Variants in DACH1 observed in about 807,000 individuals in gnomAD.
The protein encoded by DACH1 is dachshund family transcription factor 1.
Under a neutral mutation model 54.2 loss-of-function variants are expected in DACH1, and 12 were observed. The observed-to-expected ratio is 0.22, with a 90% CI of 0.14 to 0.36. The LOEUF is 0.36. Ranked by LOEUF, DACH1 falls within the 10% of genes least tolerant of loss-of-function variation. The probability of loss-of-function intolerance (pLI) is 1.00; values close to 1 mark genes in which losing one functional copy is unlikely to be tolerated. For missense variants in DACH1, 805 were observed against 929.8 expected (o/e 0.87, Z 1.75); for synonymous variants, 386 against 366.2 (o/e 1.05, Z -0.62).
intron 1 of DACH1, among the ~76,000 whole-genome samples, chr13:71,769,682 C>T (rs1280759314): frequency 2.6e-5 from 4 of 151,672 alleles, no homozygotes; most frequent in Non-Finnish European, 5.9e-5. Flanking sequence ...ACTCCTTATT[C>T]TGTACTGAGA....
intron 3 of DACH1, among the ~76,000 whole-genome samples, 196 bp from the exon 4 acceptor site, chr13:71,573,208 C>T (rs906535883): frequency 1.3e-5 from 2 of 152,132 alleles, no homozygotes; most frequent in African/African-American, 2.4e-5. Context: ...CATTTCCTAA[C>T]TTATCCTGTG....
intron 3 of DACH1, among the ~76,000 whole-genome samples, chr13:71,617,436 A>T (rs560425348): frequency 6.6e-6 from 1 of 152,300 alleles, no homozygotes; most frequent in East Asian, 1.9e-4. Flanking sequence ...TGAGTTTATG[A>T]TACAGAAATT....
At position 71,709,142 on chromosome 13, in the gene DACH1, C is replaced by G. The variant is rs539103437; in HGVS notation, c.849-27232G>C. ...TGCTGGGATTACAGGCGTGAGCCACCGTGCCTGGCCGTATTTTTTAAATGA... is the reference window on the plus strand; with the variant it reads ...TGCTGGGATTACAGGCGTGAGCCACGGTGCCTGGCCGTATTTTTTAAATGA... On this transcript the variant is annotated intron_variant, in intron 1 of 10. Coordinates refer to ENST00000613252, the MANE Select transcript of DACH1 (RefSeq NM_080759.6). Among the ~76,000 whole-genome samples, 38 of 152,146 alleles carry G rather than the reference C, an allele frequency of 2.5e-4. 1 individual carries two copies. The South Asian group carries it at 7.7e-3, about 31-fold the overall frequency.
intron 3 of DACH1, among the ~76,000 whole-genome samples, chr13:71,589,374 T>A (rs1018886139): frequency 6.6e-6 from 1 of 151,988 alleles, no homozygotes. Context: ...AAATATTAAT[T>A]GAAAAATAGT....
Position 71,520,208 on chromosome 13 carries a change from T to G in DACH1, c.1571-31060A>C, listed in dbSNP as rs570582911. ...TTGTATCCCATTATTGATCTAGATT[T>G]CCTCATCATTAAAACAGAGATAAAA... is the stretch of plus-strand genomic sequence containing the variant. On this transcript the variant is annotated intron_variant, in intron 6 of 10. Coordinates refer to ENST00000613252, the MANE Select transcript of DACH1 (RefSeq NM_080759.6). Among the ~76,000 whole-genome samples the G allele has an allele frequency of 3.3e-5, 5 of 151,428 alleles. No individual in the cohort carries two copies. The South Asian group carries it at 1.0e-3, about 31-fold the overall frequency.
At chr13:71,694,883 T>C (rs543115497) in intron 1 of DACH1, among the ~76,000 whole-genome samples, 36 of 152,356 alleles carry the variant, frequency 2.4e-4, no homozygotes, top group African/African-American at 8.2e-4. Flanking sequence ...TTGAGCACTT[T>C]ATGTATATTA....
intron 1 of DACH1, among the ~76,000 whole-genome samples, chr13:71,846,561 C>G (rs1281502993): frequency 5.3e-5 from 8 of 152,302 alleles, no homozygotes; most frequent in Non-Finnish European, 1.0e-4. Flanking sequence ...ACCCCGGAGG[C>G]GGATCTTGCA....
Position 71,572,900 on chromosome 13 carries a change from A to G in DACH1, c.1239T>C (p.Asn413=). 1 of 1,613,996 alleles carries G rather than the reference A, an allele frequency of 6.2e-7. No homozygotes were observed. The highest frequency in any genetic ancestry group is 8.5e-7 in the Non-Finnish European group (1 of 1,179,954). ...SQMNHLSTIA[N]MAAAAQVQSP... ...TCTGAACTTGTGCTGCTGCTGCCAT[A>G]TTTGCAATGGTGCTGAGGTGGTTCA... Residue 413 remains asparagine (N), a synonymous_variant, in exon 4 of 11, where the codon AAT becomes AAC. Coordinates refer to ENST00000613252, the MANE Select transcript of DACH1 (RefSeq NM_080759.6).
rs563723745 is a variant in DACH1 at position 71,548,906 on chromosome 13, G to C, written c.1570+8118C>G. Among the ~76,000 whole-genome samples, 10 of 152,092 alleles carry C rather than the reference G, an allele frequency of 6.6e-5. No homozygotes were observed. The Middle Eastern group carries it at 0.02, about 310-fold the overall frequency. On this transcript the variant is annotated intron_variant, in intron 6 of 10. Transcript: ENST00000613252. ...CACTCCAGCCTGGGCAACAGAGCAA[G>C]ACTCTGTCACCAAAAAGAAAAAAGA...
intron 1 of DACH1, among the ~76,000 whole-genome samples, chr13:71,686,106 C>G (rs1881146991): frequency 6.6e-6 from 1 of 152,168 alleles, no homozygotes; most frequent in Non-Finnish European, 1.5e-5. Context: ...ACTCTCCTAG[C>G]TCTAATCAAA....
chr13:71,513,008 A>T (rs185621409), intron 6 of DACH1, among the ~76,000 whole-genome samples: 113 of 152,082 alleles, frequency 7.4e-4, no homozygotes, highest in African/African-American at 2.7e-3. Context: ...ATTCCACAAA[A>T]TATAAGTAAT....
At chr13:71,646,286 G>C (rs887414255) in intron 2 of DACH1, among the ~76,000 whole-genome samples, 1 of 150,660 alleles carries the variant, frequency 6.6e-6, no homozygotes, top group Non-Finnish European at 1.5e-5. Context: ...GCAGTGAGCC[G>C]AGACTGCGCC....
At chr13:71,756,888 T>C (rs1444155242) in intron 1 of DACH1, among the ~76,000 whole-genome samples, 1 of 152,182 alleles carries the variant, frequency 6.6e-6, no homozygotes, top group Non-Finnish European at 1.5e-5. Flanking sequence ...TTGGGATATA[T>C]GCTTGCCTGG....
chr13:71,726,090 C>T (rs1431895227), intron 1 of DACH1, among the ~76,000 whole-genome samples: 2 of 151,936 alleles, frequency 1.3e-5, no homozygotes, highest in African/African-American at 4.8e-5. Context: ...ACAGATGCTT[C>T]CCCCTCAGAA....
At chr13:71,687,283 C>T (rs572315670) in intron 1 of DACH1, among the ~76,000 whole-genome samples, 1 of 152,042 alleles carries the variant, frequency 6.6e-6, no homozygotes, top group East Asian at 1.9e-4. Context: ...GGGAAAGTTA[C>T]AATTTGCTTA....
chr13:71,713,180 C>A (rs550969944), intron 1 of DACH1, among the ~76,000 whole-genome samples: 52 of 151,774 alleles, frequency 3.4e-4, no homozygotes, highest in South Asian at 6.2e-4. Flanking sequence ...CCTGGGTCCA[C>A]GTTGACCTAG....
intron 6 of DACH1, among the ~76,000 whole-genome samples, chr13:71,533,964 T>C (rs1321282324): frequency 6.6e-6 from 1 of 152,052 alleles, no homozygotes; most frequent in Non-Finnish European, 1.5e-5. Flanking sequence ...GTCAGGAAAT[T>C]AGACATCTTA....
At chr13:71,581,345 ACCTCTG>A (rs1872838203) in intron 3 of DACH1, among the ~76,000 whole-genome samples, 1 of 152,160 alleles carries the variant, frequency 6.6e-6, no homozygotes. Flanking sequence ...GCTCACTGCA[ACCTCTG>A]CCTCCTGGGT....
At chr13:71,764,404 T>C (rs910621028) in intron 1 of DACH1, among the ~76,000 whole-genome samples, 1 of 152,006 alleles carries the variant, frequency 6.6e-6, no homozygotes, top group African/African-American at 2.4e-5. Flanking sequence ...AGAGCCCATA[T>C]TAAAAAATTT....
Sources: allele counts gnomAD v4.1 joint callset (sites outside exome capture counted in the v4.1 genomes callset), GRCh38; gene constraint gnomAD v4.1.1; transcripts MANE v1.5; gene names NCBI Gene and HGNC (gene_info 2026-07-23, HGNC 2026-07-21).